The following CRACDL variants were observed in gnomAD, a reference collection of about 807,000 sequenced individuals.
CRACDL encodes the protein CRACD like.
CRACDL carries 26 observed loss-of-function variants against 70.6 expected under a neutral mutation model. The ratio of observed to expected loss-of-function variants is 0.37; its 90% CI spans 0.27 to 0.51. The LOEUF (loss-of-function observed/expected upper bound fraction) is 0.51, where lower values mean the gene tolerates loss of function less well. Among genes scored for constraint, CRACDL ranks in the 20% least tolerant of loss-of-function variants. The pLI, the probability that CRACDL is intolerant of heterozygous loss-of-function variation, is 0.94. For synonymous variants in CRACDL, 618 were observed against 615.2 expected, an observed-to-expected ratio of 1.00 and a Z score of -0.07; for missense variants, 1,283 against 1,376.9, an observed-to-expected ratio of 0.93 and a Z score of 1.08.
chr2:98,914,621 T>C (rs1708624837), intron 1 of CRACDL, among the ~76,000 whole-genome samples: 1 of 152,172 alleles, frequency 6.6e-6, no homozygotes, highest in Non-Finnish European at 1.5e-5. Context: ...CTCTGTCCCC[T>C]GCCCCCCACC....
chr2:98,925,898 C>T (rs1708899929), intron 1 of CRACDL, among the ~76,000 whole-genome samples: 1 of 152,128 alleles, frequency 6.6e-6, no homozygotes, highest in African/African-American at 2.4e-5. Flanking sequence ...TACACACACA[C>T]ACACTTTATT....
At chr2:98,867,760 T>C (rs1196681603) in intron 1 of CRACDL, among the ~76,000 whole-genome samples, 1 of 152,192 alleles carries the variant, frequency 6.6e-6, no homozygotes, top group Non-Finnish European at 1.5e-5. Flanking sequence ...GCTGCACACA[T>C]ATGTGACGAA....
chr2:98,845,108 C>T (rs912509092), intron 2 of CRACDL, among the ~76,000 whole-genome samples: 2 of 152,112 alleles, frequency 1.3e-5, no homozygotes, highest in Non-Finnish European at 2.9e-5. Context: ...TGAAAATTTC[C>T]AAGACTGGTA....
chr2:98,869,173 G>A, intron 1 of CRACDL: 1 of 1,304,308 alleles, frequency 7.7e-7, no homozygotes, highest in Middle Eastern at 2.1e-4. Context: ...CTAGCAGCAG[G>A]GAGAAGAGTG....
At chr2:98,813,516 A>C (rs771445014) in intron 7 of CRACDL, among the ~76,000 whole-genome samples, 1 of 152,204 alleles carries the variant, frequency 6.6e-6, no homozygotes, top group Non-Finnish European at 1.5e-5. Context: ...AAGCATAGGA[A>C]CATTCATAGG....
chr2:98,871,026 C>T (rs147023582), intron 1 of CRACDL, among the ~76,000 whole-genome samples: 1 of 152,228 alleles, frequency 6.6e-6, no homozygotes, highest in African/African-American at 2.4e-5. Flanking sequence ...GCCTTGACAC[C>T]TCTCACTGCC....
At chr2:98,913,373 TG>T (rs1325805336) in intron 1 of CRACDL, among the ~76,000 whole-genome samples, 1 of 151,974 alleles carries the variant, frequency 6.6e-6, no homozygotes, top group Non-Finnish European at 1.5e-5. Flanking sequence ...CTACTCAGGG[TG>T]GTCCGTGGGC....
intron 1 of CRACDL, among the ~76,000 whole-genome samples, chr2:98,921,309 T>C (rs1259378206): frequency 6.6e-6 from 1 of 152,214 alleles, no homozygotes; most frequent in Non-Finnish European, 1.5e-5. Flanking sequence ...CCACAAGTGG[T>C]GCCGATACTG....
At chr2:98,933,254 C>T (rs1709127511) in intron 1 of CRACDL, among the ~76,000 whole-genome samples, 1 of 152,124 alleles carries the variant, frequency 6.6e-6, no homozygotes, top group African/African-American at 2.4e-5. Context: ...CGCAAGAGGA[C>T]CAGATGACCA....
chr2:98,817,499 C>G (rs1043337613), intron 7 of CRACDL, among the ~76,000 whole-genome samples: 2 of 152,116 alleles, frequency 1.3e-5, no homozygotes, highest in Non-Finnish European at 2.9e-5. Context: ...TAAAAAAGGA[C>G]GACAGTCTCT....
At chr2:98,828,075 CAT>C (rs1367211695) in intron 5 of CRACDL, among the ~76,000 whole-genome samples, 1 of 152,218 alleles carries the variant, frequency 6.6e-6, no homozygotes, top group African/African-American at 2.4e-5. Context: ...AAATGGCAAA[CAT>C]GTCACCTGGG....
intron 1 of CRACDL, among the ~76,000 whole-genome samples, chr2:98,866,001 T>C (rs1168414347): frequency 6.6e-6 from 1 of 152,082 alleles, no homozygotes; most frequent in East Asian, 1.9e-4. Flanking sequence ...TCCTGCTCTC[T>C]GAAGCTGTCA....
intron 1 of CRACDL, among the ~76,000 whole-genome samples, chr2:98,915,881 G>A (rs1337090959): frequency 6.6e-6 from 1 of 152,198 alleles, no homozygotes; most frequent in Non-Finnish European, 1.5e-5. Context: ...ATGAGGACAT[G>A]CTTTCTAGGC....
At chr2:98,810,342 C>T (rs1704502904) in intron 7 of CRACDL, among the ~76,000 whole-genome samples, 1 of 152,074 alleles carries the variant, frequency 6.6e-6, no homozygotes, top group Non-Finnish European at 1.5e-5. Context: ...ATCTAAAAAG[C>T]CTTAAATGCC....
At chr2:98,881,444 C>T (rs1707648940) in intron 1 of CRACDL, among the ~76,000 whole-genome samples, 1 of 152,228 alleles carries the variant, frequency 6.6e-6, no homozygotes, top group African/African-American at 2.4e-5. Flanking sequence ...CCCAGCTGCA[C>T]ATCAGAATTG....
intron 1 of CRACDL, among the ~76,000 whole-genome samples, chr2:98,874,780 C>G (rs1407769205): frequency 6.6e-6 from 1 of 152,190 alleles, no homozygotes; most frequent in African/African-American, 2.4e-5. Flanking sequence ...GCCCAAGGCA[C>G]AGGGGACAAA....
chr2:98,873,867 G>A (rs1206131165), intron 1 of CRACDL, among the ~76,000 whole-genome samples: 1 of 152,206 alleles, frequency 6.6e-6, no homozygotes, highest in Non-Finnish European at 1.5e-5. Context: ...TTAGTTGGGC[G>A]TGGTGGCACA....
chr2:98,884,102 C>T lies in CRACDL; in HGVS notation c.-10-37292G>A, dbSNP rs1034293246. Among the ~76,000 whole-genome samples the T allele has an allele frequency of 5.3e-5, 8 of 152,166 alleles. No homozygotes were observed. The South Asian group carries it at 8.3e-4, about 16-fold the overall frequency. On this transcript the variant is annotated intron_variant, in intron 1 of 9. Transcript: ENST00000397899. Reference sequence around the variant, plus strand: ...CAGGTGCCCCACCCACCTGGAGATACGGGCCAGTAGAGGGCATGAGGGGGG... The same window carrying T: ...CAGGTGCCCCACCCACCTGGAGATATGGGCCAGTAGAGGGCATGAGGGGGG...
chr2:98,820,866 C>G (rs1362413144), intron 7 of CRACDL, among the ~76,000 whole-genome samples: 1 of 152,184 alleles, frequency 6.6e-6, no homozygotes, highest in Non-Finnish European at 1.5e-5. Flanking sequence ...GCCACGTGAA[C>G]CTGATTATGA....
Sources: allele counts gnomAD v4.1 joint callset (sites outside exome capture counted in the v4.1 genomes callset), GRCh38; gene constraint gnomAD v4.1.1; transcripts MANE v1.5; gene names NCBI Gene and HGNC (gene_info 2026-07-23, HGNC 2026-07-21).